The following OR56A3 variants were observed in gnomAD, a reference collection of about 807,000 sequenced individuals.
The protein encoded by OR56A3 is olfactory receptor 56A3.
In OR56A3, 23 loss-of-function variants were observed where a neutral mutation model predicts 17.5. That is an observed-to-expected ratio of 1.32 (90% CI 0.95 to 1.87). The LOEUF is 1.87. Ranked by LOEUF, OR56A3 falls within the 40% of genes most tolerant of loss-of-function variation. OR56A3 has a pLI of 0.00. For missense variants in OR56A3, 366 were observed against 380.1 expected, an observed-to-expected ratio of 0.96 and a Z score of 0.31; for synonymous variants, 175 against 150.6, an observed-to-expected ratio of 1.16 and a Z score of -1.19.
At chr11:6,011,727 C>T in the OR56A3 span, among the ~76,000 whole-genome samples, 1 of 152,196 alleles carries the variant, frequency 6.6e-6, no homozygotes, top group Non-Finnish European at 1.5e-5. Flanking sequence ...TCAACTCATG[C>T]TACCAGCCTG....
At chr11:6,007,133 G>A in the OR56A3 span, among the ~76,000 whole-genome samples, 6 of 152,218 alleles carry the variant, frequency 3.9e-5, no homozygotes, top group South Asian at 4.1e-4. Flanking sequence ...GAGTGAGGGT[G>A]AAAGAGTTCA....
the OR56A3 span, chr11:5,967,315 T>G: frequency 4.1e-6 from 2 of 487,212 alleles, no homozygotes; most frequent in Non-Finnish European, 7.2e-6. Context: ...CGTACTCACA[T>G]AGATGAAGTC....
chr11:5,984,125 G>T, the OR56A3 span, among the ~76,000 whole-genome samples: 1 of 152,180 alleles, frequency 6.6e-6, no homozygotes. Flanking sequence ...AGAATTAAGA[G>T]TCTCTCCTCT....
At chr11:6,021,176 A>G in the OR56A3 span, 1 of 152,094 alleles carries the variant, frequency 6.6e-6, no homozygotes, top group Non-Finnish European at 1.5e-5. Context: ...CTGACCTGAT[A>G]CAGATAGATC....
At chr11:5,956,764 A>T in the OR56A3 span, among the ~76,000 whole-genome samples, 1 of 152,158 alleles carries the variant, frequency 6.6e-6, no homozygotes, top group Non-Finnish European at 1.5e-5. Context: ...CGTGATCTCC[A>T]CTTTCTGAAA....
the OR56A3 span, among the ~76,000 whole-genome samples, chr11:6,011,620 C>T: frequency 6.6e-6 from 1 of 152,132 alleles, no homozygotes; most frequent in Non-Finnish European, 1.5e-5. Context: ...TGGGGTGTCG[C>T]TTTTATGGCT....
chr11:6,014,400 A>G, the OR56A3 span, among the ~76,000 whole-genome samples: 18 of 152,312 alleles, frequency 1.2e-4, no homozygotes, highest in African/African-American at 4.3e-4. Flanking sequence ...GTCAATAGTT[A>G]TCATAAGATC....
At chr11:6,019,309 A>C in the OR56A3 span, 1 of 152,306 alleles carries the variant, frequency 6.6e-6, no homozygotes, top group African/African-American at 2.4e-5. Flanking sequence ...ACCCATCAAA[A>C]AGATAATACA....
At chr11:5,996,528 A>C in the OR56A3 span, among the ~76,000 whole-genome samples, 1 of 151,038 alleles carries the variant, frequency 6.6e-6, no homozygotes, top group African/African-American at 2.4e-5. Flanking sequence ...TTTTAGAACC[A>C]ATGTGGCTAT....
chr11:6,009,115 G>C, the OR56A3 span, among the ~76,000 whole-genome samples: 1 of 152,172 alleles, frequency 6.6e-6, no homozygotes. Flanking sequence ...CTTTGCAGAT[G>C]TAATAAACTT....
the OR56A3 span, chr11:5,986,629 G>A: frequency 2.0e-5 from 32 of 1,613,944 alleles, no homozygotes; most frequent in South Asian, 2.4e-4. Flanking sequence ...CAGGAGCACT[G>A]CAAGGGCTTT....
At chr11:5,956,386 A>G in the OR56A3 span, among the ~76,000 whole-genome samples, 2 of 100,774 alleles carry the variant, frequency 2.0e-5, no homozygotes, top group African/African-American at 3.8e-5. Flanking sequence ...TGTAGATCTG[A>G]GCTGCACTTT....
downstream of OR56A3, chr11:5,951,495 G>A (rs1847907800): frequency 6.6e-6 from 1 of 152,102 alleles, no homozygotes; most frequent in Non-Finnish European, 1.5e-5. Context: ...TGAGAAAGCT[G>A]TCTCTTCAAA....
chr11:5,970,560 G>A, the OR56A3 span, among the ~76,000 whole-genome samples: 1 of 152,138 alleles, frequency 6.6e-6, no homozygotes, highest in Non-Finnish European at 1.5e-5. Context: ...GCTTCACATG[G>A]AGGGAAAACT....
At chr11:5,986,559 T>A in the OR56A3 span, 1 of 1,613,832 alleles carries the variant, frequency 6.2e-7, no homozygotes, top group African/African-American at 1.3e-5. Context: ...TGGAGGAGAA[T>A]GCATGGATGA....
At chr11:5,965,801 G>A in the OR56A3 span, among the ~76,000 whole-genome samples, 1 of 152,238 alleles carries the variant, frequency 6.6e-6, no homozygotes, top group South Asian at 2.1e-4. Context: ...TGTGGAGTAG[G>A]TGGAGTTTAA....
At chr11:5,966,781 G>C in the OR56A3 span, among the ~76,000 whole-genome samples, 5 of 152,114 alleles carry the variant, frequency 3.3e-5, no homozygotes, top group African/African-American at 1.2e-4. Flanking sequence ...AAATAGGAAA[G>C]AGTAGGAATA....
At chr11:6,003,599 A>G in the OR56A3 span, among the ~76,000 whole-genome samples, 55 of 152,286 alleles carry the variant, frequency 3.6e-4, no homozygotes, top group African/African-American at 1.3e-3. Context: ...TAAACAGTAC[A>G]TCGTTGGGAT....
At chr11:5,962,275 T>C in the OR56A3 span, among the ~76,000 whole-genome samples, 1 of 152,220 alleles carries the variant, frequency 6.6e-6, no homozygotes, top group East Asian at 1.9e-4. Context: ...TCTTTTAATG[T>C]ATTATTGAAT....
Sources: gnomAD v4.1 joint callset for allele counts (sites outside exome capture counted in the v4.1 genomes callset) on GRCh38, gnomAD v4.1.1 for gene constraint, MANE v1.5 for transcripts, NCBI Gene and HGNC (gene_info 2026-07-23, HGNC 2026-07-21) for gene names.